Variants in PRKN observed in about 807,000 individuals in gnomAD.
PRKN encodes the protein parkin RBR E3 ubiquitin protein ligase.
A neutral mutation model predicts 59.5 loss-of-function variants in PRKN; 56 were observed. The observed-to-expected ratio is 0.94, with a 90% CI of 0.76 to 1.18. The LOEUF (loss-of-function observed/expected upper bound fraction) is 1.18, where lower values mean the gene tolerates loss of function less well. Among genes scored for constraint, PRKN ranks in the 50% most tolerant of loss-of-function variants. PRKN has a pLI of 0.00. For synonymous variants in PRKN, 250 were observed against 222.1 expected, an observed-to-expected ratio of 1.13 and a Z score of -1.12; for missense variants, 657 against 596.4, an observed-to-expected ratio of 1.10 and a Z score of -1.06.
intron 1 of PRKN, among the ~76,000 whole-genome samples, chr6:162,453,864 T>C (rs978590580): frequency 6.6e-6 from 1 of 151,890 alleles, no homozygotes; most frequent in African/African-American, 2.4e-5. Flanking sequence ...GATCGCGCCA[T>C]GGCACTCCAG....
intron 1 of PRKN, among the ~76,000 whole-genome samples, chr6:162,583,419 C>A (rs1780866763): frequency 6.6e-6 from 1 of 152,156 alleles, no homozygotes; most frequent in African/African-American, 2.4e-5. Context: ...CTTTTTCATT[C>A]CTGGAGTCAC....
intron 9 of PRKN, among the ~76,000 whole-genome samples, chr6:161,521,047 A>T (rs539445860): frequency 6.6e-6 from 1 of 152,298 alleles, no homozygotes; most frequent in Non-Finnish European, 1.5e-5. Flanking sequence ...GTGAAGAGGG[A>T]TTTCTTATTA....
intron 4 of PRKN, among the ~76,000 whole-genome samples, chr6:162,190,463 C>T (rs908700119): frequency 6.6e-6 from 1 of 152,212 alleles, no homozygotes; most frequent in Non-Finnish European, 1.5e-5. Flanking sequence ...AATGTGAGTG[C>T]TTTCAGCAAG....
chr6:162,651,291 T>C (rs1778422060), intron 1 of PRKN, among the ~76,000 whole-genome samples: 1 of 152,190 alleles, frequency 6.6e-6, no homozygotes, highest in African/African-American at 2.4e-5. Context: ...TTGATGTACA[T>C]CTTCATCGAT....
intron 4 of PRKN, among the ~76,000 whole-genome samples, chr6:162,180,379 C>A (rs1053744654): frequency 1.3e-5 from 2 of 152,076 alleles, no homozygotes; most frequent in African/African-American, 4.8e-5. Context: ...ACATTGCATG[C>A]CTGAATCAAA....
intron 1 of PRKN, among the ~76,000 whole-genome samples, chr6:162,505,519 A>G (rs1394070497): frequency 2.0e-5 from 3 of 152,188 alleles, no homozygotes; most frequent in African/African-American, 7.2e-5. Context: ...GTGTTTTAAC[A>G]AGCTCCCTTC....
At chr6:161,905,794 C>T (rs1291276895) in intron 6 of PRKN, among the ~76,000 whole-genome samples, 1 of 151,812 alleles carries the variant, frequency 6.6e-6, no homozygotes, top group East Asian at 1.9e-4. Context: ...AACCCTGTCT[C>T]TACCAAAAAT....
At chr6:162,495,941 A>C (rs770711595) in intron 1 of PRKN, among the ~76,000 whole-genome samples, 1 of 152,060 alleles carries the variant, frequency 6.6e-6, no homozygotes, top group Non-Finnish European at 1.5e-5. Context: ...TCACTATACT[A>C]TCTTTCACTA....
intron 1 of PRKN, among the ~76,000 whole-genome samples, chr6:162,673,474 T>C (rs897515396): frequency 6.6e-6 from 1 of 152,142 alleles, no homozygotes; most frequent in African/African-American, 2.4e-5. Flanking sequence ...CAACCTCCAC[T>C]TCCTGGGCTC....
intron 4 of PRKN, among the ~76,000 whole-genome samples, chr6:162,152,803 ATTGT>A (rs1193125573): frequency 6.6e-6 from 1 of 152,208 alleles, no homozygotes; most frequent in African/African-American, 2.4e-5. Context: ...GAAAGAGTAA[ATTGT>A]TTGCTGAAAT....
intron 1 of PRKN, among the ~76,000 whole-genome samples, chr6:162,505,861 T>G (rs1793587020): frequency 6.6e-6 from 1 of 152,134 alleles, no homozygotes. Flanking sequence ...CATTTTTCAG[T>G]TAGTTTTGAA....
At chr6:161,958,734 G>A (rs1780272540) in intron 6 of PRKN, among the ~76,000 whole-genome samples, 1 of 152,024 alleles carries the variant, frequency 6.6e-6, no homozygotes, top group Non-Finnish European at 1.5e-5. Context: ...CAAAAAATTA[G>A]CTGGGCGTGG....
chr6:162,230,881 A>C (rs1397753845), intron 3 of PRKN, among the ~76,000 whole-genome samples: 4 of 152,184 alleles, frequency 2.6e-5, no homozygotes, highest in Admixed American at 2.6e-4. Context: ...AATAACTTAA[A>C]ATCTCTGTTG....
intron 7 of PRKN, among the ~76,000 whole-genome samples, chr6:161,661,250 C>A (rs571169428): frequency 1.3e-5 from 2 of 152,082 alleles, no homozygotes; most frequent in South Asian, 4.2e-4. Context: ...TCTGACAGGG[C>A]CCTCTGAACA....
chr6:162,079,029 G>A (rs1025195753), intron 4 of PRKN, among the ~76,000 whole-genome samples: 1 of 152,012 alleles, frequency 6.6e-6, no homozygotes, highest in South Asian at 2.1e-4. Context: ...GAACTCATAA[G>A]CGGTGACAGC....
chr6:162,235,958 G>GAAGAAAGGAAGAAAGA (rs1778658651), intron 3 of PRKN, among the ~76,000 whole-genome samples: 8 of 92,598 alleles, frequency 8.6e-5, no homozygotes, highest in African/African-American at 2.8e-4. Context: ...AGGAAGAAAG[G>GAAGAAAGGAAGAAAGA]AAGAAAGAAA....
At chr6:162,335,343 G>A (rs956877661) in intron 2 of PRKN, among the ~76,000 whole-genome samples, 11 of 152,076 alleles carry the variant, frequency 7.2e-5, no homozygotes, top group Non-Finnish European at 1.6e-4. Flanking sequence ...CACCTGACCT[G>A]TAGGTTGGTT....
At chr6:161,632,135 T>C (rs1783337358) in intron 7 of PRKN, among the ~76,000 whole-genome samples, 1 of 152,212 alleles carries the variant, frequency 6.6e-6, no homozygotes, top group South Asian at 2.1e-4. Flanking sequence ...GTGGAACTGA[T>C]GAGTCATGGC....
chr6:161,885,135 T>TAA (rs66612910), intron 6 of PRKN, among the ~76,000 whole-genome samples: 1,272 of 121,768 alleles, frequency 0.01, 24 homozygotes, highest in African/African-American at 0.036. Flanking sequence ...GAAGAAAAAC[T>TAA]AAAAAAAAAA....
Sources: gnomAD v4.1 joint callset for allele counts (sites outside exome capture counted in the v4.1 genomes callset) on GRCh38, gnomAD v4.1.1 for gene constraint, MANE v1.5 for transcripts, NCBI Gene and HGNC (gene_info 2026-07-23, HGNC 2026-07-21) for gene names.